GRAMD2B: variants seen among roughly 807,000 people sequenced by gnomAD.
The protein encoded by GRAMD2B is GRAM domain containing 2B, also known as GRAM domain-containing protein 2B.
GRAMD2B carries 41 observed loss-of-function variants against 59.2 expected under a neutral mutation model. That is an observed-to-expected ratio of 0.69 (90% confidence interval 0.54 to 0.90). The LOEUF is 0.90. GRAMD2B is among the 40% of genes least tolerant of loss of function. The probability of loss-of-function intolerance (pLI) is 0.00; values close to 1 mark genes in which losing one functional copy is unlikely to be tolerated. For missense variants in GRAMD2B, 424 were observed against 500.5 expected (o/e 0.85, Z 1.46); for synonymous variants, 161 against 182.7 (o/e 0.88, Z 0.96).
chr5:126,396,859 A>T (rs1183732754), intron 1 of GRAMD2B, among the ~76,000 whole-genome samples: 1 of 152,152 alleles, frequency 6.6e-6, no homozygotes. Context: ...ACTTTTTATA[A>T]TAGCCATTCT....
intron 1 of GRAMD2B, among the ~76,000 whole-genome samples, chr5:126,445,884 G>A (rs1764133472): frequency 6.6e-6 from 1 of 152,160 alleles, no homozygotes; most frequent in Non-Finnish European, 1.5e-5. Flanking sequence ...CCTCTCTCCA[G>A]TATAGCCAGA....
chr5:126,420,855 C>T (rs751724746), upstream of GRAMD2B, among the ~76,000 whole-genome samples: 2 of 152,062 alleles, frequency 1.3e-5, no homozygotes, highest in African/African-American at 2.4e-5. Flanking sequence ...AACAGATAAA[C>T]GGGCAACCCA....
At chr5:126,366,605 T>C (rs941879675), upstream of GRAMD2B, among the ~76,000 whole-genome samples, 3 of 152,180 alleles carry the variant, frequency 2.0e-5, no homozygotes, top group East Asian at 5.8e-4. Context: ...TTCCCATTTT[T>C]ACAAAAGCTC....
intron 1 of GRAMD2B, among the ~76,000 whole-genome samples, chr5:126,415,265 A>G (rs1759167914): frequency 6.6e-6 from 1 of 152,206 alleles, no homozygotes; most frequent in Admixed American, 6.5e-5. Flanking sequence ...CTCTCCATTT[A>G]ACACCATGAT....
chr5:126,440,481 T>A (rs1242334914), intron 1 of GRAMD2B, among the ~76,000 whole-genome samples: 3 of 152,118 alleles, frequency 2.0e-5, no homozygotes, highest in South Asian at 2.1e-4. Flanking sequence ...GAAATCCAAA[T>A]ATATCTGGAG....
intron 3 of GRAMD2B, among the ~76,000 whole-genome samples, chr5:126,470,753 G>A (rs1175546869): frequency 2.0e-5 from 3 of 151,992 alleles, no homozygotes; most frequent in Non-Finnish European, 4.4e-5. Context: ...CAGACAGGGT[G>A]TTGCCGTGTT....
intron 1 of GRAMD2B, among the ~76,000 whole-genome samples, chr5:126,395,397 T>C (rs1480535700): frequency 3.9e-5 from 6 of 152,194 alleles, no homozygotes; most frequent in African/African-American, 1.4e-4. Context: ...TTTGGAATTA[T>C]GCTGTCTTGT....
At chr5:126,386,466 T>C (rs989009152) in intron 1 of GRAMD2B, among the ~76,000 whole-genome samples, 4 of 152,228 alleles carry the variant, frequency 2.6e-5, no homozygotes, top group African/African-American at 9.6e-5. Context: ...TTACACAGTA[T>C]CTGTGGGTTC....
Position 126,470,601 on chromosome 5 carries a change from C to T in GRAMD2B, c.315+813C>T, listed in dbSNP as rs1020305286. Among the ~76,000 whole-genome samples, 6 of 152,024 alleles carry T rather than the reference C, an allele frequency of 3.9e-5. No individual in the cohort carries two copies. The East Asian group carries it at 1.2e-3, about 29-fold the overall frequency. The stretch of plus-strand genomic sequence containing the variant: ...CAAGGCAGAGTCTTGCTCTGTTGCC[C>T]AGGCTGGAGTGCAGTGCCACAATCT... On this transcript the variant is annotated intron_variant, in intron 3 of 13. Transcript: ENST00000285689.
At chr5:126,455,592 C>T (rs1023844760) in intron 1 of GRAMD2B, among the ~76,000 whole-genome samples, 13 of 152,208 alleles carry the variant, frequency 8.5e-5, no homozygotes, top group African/African-American at 2.9e-4. Flanking sequence ...CATTGTATAA[C>T]TACAGTGTTT....
At chr5:126,466,319 C>A (rs1326162124) in intron 2 of GRAMD2B, 8 of 1,440,226 alleles carry the variant, frequency 5.6e-6, no homozygotes, top group African/African-American at 2.8e-5. Context: ...CAAATCTATG[C>A]TTCATTCAGG....
chr5:126,464,922 C>T (rs1374545256), intron 1 of GRAMD2B, among the ~76,000 whole-genome samples: 3 of 152,132 alleles, frequency 2.0e-5, no homozygotes, highest in African/African-American at 4.8e-5. Context: ...TAATTCCTAC[C>T]TAGTCTGGGT....
At chr5:126,489,004 T>C in intron 13 of GRAMD2B, 112 bp downstream of exon 13, 2 of 629,742 alleles carry the variant, frequency 3.2e-6, no homozygotes, top group South Asian at 2.3e-5. Flanking sequence ...GCAATAAACC[T>C]ACATGATCAA....
chr5:126,449,984 T>C (rs917210734), intron 1 of GRAMD2B, among the ~76,000 whole-genome samples: 3 of 152,124 alleles, frequency 2.0e-5, no homozygotes, highest in Non-Finnish European at 4.4e-5. Flanking sequence ...TATTTTGGAC[T>C]CCCGTAGTAA....
At chr5:126,490,778 G>A (rs926563812) in intron 13 of GRAMD2B, among the ~76,000 whole-genome samples, 17 of 152,118 alleles carry the variant, frequency 1.1e-4, no homozygotes, top group East Asian at 1.9e-4. Flanking sequence ...TCTCACCTTC[G>A]GGGGCCGGTG....
Position 126,450,189 on chromosome 5 carries a change from T to C in GRAMD2B, c.84-15237T>C, listed in dbSNP as rs189862683. Among the ~76,000 whole-genome samples the C allele has an allele frequency of 2.2e-3, 339 of 152,234 alleles. 1 individual carries two copies. Among genetic ancestry groups the C allele is most frequent in the African/African-American group, 7.9e-3 (327 of 41,540 alleles). ...GCAGCTCTTCTTTCAGGGGCTTAGCTGAGGGCCAGAGTAGTACAGCTCGTC... is the reference window on the plus strand; with the variant it reads ...GCAGCTCTTCTTTCAGGGGCTTAGCCGAGGGCCAGAGTAGTACAGCTCGTC... On this transcript the variant is annotated intron_variant, in intron 1 of 13. Coordinates refer to ENST00000285689, the MANE Select transcript of GRAMD2B (RefSeq NM_023927.4).
chr5:126,423,843 C>G (rs1760106808), intron 1 of GRAMD2B, among the ~76,000 whole-genome samples, 154 bp downstream of exon 1: 1 of 151,964 alleles, frequency 6.6e-6, no homozygotes, highest in Non-Finnish European at 1.5e-5. Flanking sequence ...CTCTCTCTCT[C>G]TGTCTAGATA....
intron 1 of GRAMD2B, among the ~76,000 whole-genome samples, chr5:126,411,370 C>T (rs558221929): frequency 7.9e-5 from 12 of 152,180 alleles, no homozygotes; most frequent in African/African-American, 2.6e-4. Context: ...GTCCTTTCCC[C>T]ATTGCTTATT....
In GRAMD2B at chr5:126,493,016, C is replaced by G; in HGVS notation, c.*60C>G. The G allele has an allele frequency of 7.7e-6, 11 of 1,436,326 alleles. No homozygotes were observed. In the South Asian group the frequency reaches 1.3e-4, roughly 17 times the overall value. The allele number at this position is 1,436,326 out of a possible 1,614,324, so 89.0% of individuals were successfully genotyped here. A position where few individuals can be genotyped will look rare whatever the true frequency, so the allele number is the denominator to read the frequency against. On this transcript the variant is annotated 3_prime_UTR_variant, in exon 14 of 14. Transcript: ENST00000285689. ...TGTTTCCCTTTGAAGAAGGTGCTTC[C>G]TGAGGCGTTTTGTTTGAGTGCACCC...
Sources: gnomAD v4.1 joint callset for allele counts (sites outside exome capture counted in the v4.1 genomes callset) on GRCh38, gnomAD v4.1.1 for gene constraint, MANE v1.5 for transcripts, NCBI Gene and HGNC (gene_info 2026-07-23, HGNC 2026-07-21) for gene names.